Variants in SLC35D4 observed in about 807,000 individuals in gnomAD.
The protein encoded by SLC35D4 is UDP-N-acetylglucosamine transporter SLC35D4.
the SLC35D4 span, chr18:23,437,937 G>T: frequency 5.8e-5 from 83 of 1,430,906 alleles, no homozygotes; most frequent in East Asian, 2.0e-3. Context: ...AGCAGCAGCG[G>T]CAGCGGCAGC....
At chr18:23,408,590 A>G in the SLC35D4 span, among the ~76,000 whole-genome samples, 130 of 152,328 alleles carry the variant, frequency 8.5e-4, 4 homozygotes, top group Non-Finnish European at 6.0e-4. Context: ...GGATAAGAAC[A>G]AAAAATGCCT....
At chr18:23,407,264 C>A in the SLC35D4 span, among the ~76,000 whole-genome samples, 5 of 152,182 alleles carry the variant, frequency 3.3e-5, no homozygotes, top group African/African-American at 1.2e-4. Flanking sequence ...GGGAGCAGTG[C>A]ATGGCACATT....
the SLC35D4 span, chr18:23,310,095 T>C: frequency 2.0e-6 from 1 of 492,062 alleles, no homozygotes; most frequent in Non-Finnish European, 2.6e-6. Flanking sequence ...ATTTCCATTT[T>C]GTCTCAGCAG....
the SLC35D4 span, among the ~76,000 whole-genome samples, chr18:23,364,844 A>G: frequency 7.6e-6 from 1 of 132,302 alleles, no homozygotes; most frequent in East Asian, 2.6e-4. Context: ...CAGAGGTTGC[A>G]GTGAGCTGAG....
At chr18:23,345,413 T>C in the SLC35D4 span, among the ~76,000 whole-genome samples, 113,792 of 147,660 alleles carry the variant, frequency 0.77, 44,352 homozygotes, top group African/African-American at 0.91. Context: ...ACTCGGGAGG[T>C]GGAGGTTGCA....
chr18:23,356,458 A>G, the SLC35D4 span: 1 of 836,546 alleles, frequency 1.2e-6, no homozygotes, highest in South Asian at 1.6e-5. This position sits in a 1 kb window ranked among gnomAD's most constrained non-coding sequence, Gnocchi z 4.1. Flanking sequence ...TGACATAATG[A>G]CTGCTTCCTT....
At chr18:23,329,895 G>A in the SLC35D4 span, among the ~76,000 whole-genome samples, 1 of 152,154 alleles carries the variant, frequency 6.6e-6, no homozygotes, top group East Asian at 1.9e-4. Flanking sequence ...ATGAGTTAAT[G>A]TCCTTTGCAC....
the SLC35D4 span, among the ~76,000 whole-genome samples, chr18:23,262,930 G>A: frequency 9.7e-3 from 1,472 of 152,324 alleles, 17 homozygotes; most frequent in Admixed American, 0.015. Context: ...AACCAGAGAC[G>A]TGAACTGTGA....
the SLC35D4 span, among the ~76,000 whole-genome samples, chr18:23,408,177 AC>A: frequency 9.6e-6 from 1 of 104,636 alleles, no homozygotes; most frequent in African/African-American, 5.1e-5. Flanking sequence ...ACACACACAC[AC>A]ACCCCTAACC....
the SLC35D4 span, among the ~76,000 whole-genome samples, chr18:23,362,322 G>T: frequency 4.7e-3 from 721 of 152,332 alleles, 8 homozygotes; most frequent in African/African-American, 0.017. Context: ...AGGGGGACTG[G>T]GCGTGGTGGC....
the SLC35D4 span, among the ~76,000 whole-genome samples, chr18:23,419,048 T>C: frequency 3.9e-5 from 6 of 152,146 alleles, no homozygotes; most frequent in Admixed American, 1.3e-4. Flanking sequence ...GCAGTTAATC[T>C]GATTAACGGA....
At chr18:23,289,170 G>T in the SLC35D4 span, among the ~76,000 whole-genome samples, 1 of 152,148 alleles carries the variant, frequency 6.6e-6, no homozygotes, top group Non-Finnish European at 1.5e-5. Flanking sequence ...TACACTGCCA[G>T]TTTACACTGT....
chr18:23,289,902 A>G, the SLC35D4 span, among the ~76,000 whole-genome samples: 1 of 150,210 alleles, frequency 6.7e-6, no homozygotes, highest in South Asian at 2.1e-4. Context: ...TCCTTTACCT[A>G]CCCAAATCCT....
At chr18:23,355,752 T>G in the SLC35D4 span, among the ~76,000 whole-genome samples, 1 of 152,186 alleles carries the variant, frequency 6.6e-6, no homozygotes, top group African/African-American at 2.4e-5. Context: ...TTCTTCACGA[T>G]CTATTGACAT....
chr18:23,262,047 T>C, the SLC35D4 span, among the ~76,000 whole-genome samples: 1 of 152,168 alleles, frequency 6.6e-6, no homozygotes, highest in Non-Finnish European at 1.5e-5. Context: ...TGTATGCCTG[T>C]TAAAGTCTGA....
chr18:23,275,447 C>T, the SLC35D4 span, among the ~76,000 whole-genome samples: 2 of 152,114 alleles, frequency 1.3e-5, no homozygotes, highest in Admixed American at 6.6e-5. Flanking sequence ...GAGACAAACC[C>T]GAGGTGATCA....
chr18:23,358,986 G>T, the SLC35D4 span, among the ~76,000 whole-genome samples: 1 of 152,098 alleles, frequency 6.6e-6, no homozygotes, highest in African/African-American at 2.4e-5. Flanking sequence ...GTGGCTGGCT[G>T]GCCCCAGCCA....
At chr18:23,368,697 A>T in the SLC35D4 span, 68 of 1,319,294 alleles carry the variant, frequency 5.2e-5, no homozygotes, top group East Asian at 1.5e-3. Context: ...TTCTTTAAAA[A>T]TGTAAATTAT....
the SLC35D4 span, among the ~76,000 whole-genome samples, chr18:23,254,343 G>T: frequency 0.17 from 26,454 of 152,188 alleles, 2,983 homozygotes; most frequent in Admixed American, 0.33. Flanking sequence ...GGGGAAAGGC[G>T]TGAGTTTGAC....
Sources: gnomAD v4.1 joint callset for allele counts (sites outside exome capture counted in the v4.1 genomes callset) on GRCh38, gnomAD v4.1.1 for gene constraint, Gnocchi (gnomAD v3.1) non-coding constraint, MANE v1.5 for transcripts, NCBI Gene and HGNC (gene_info 2026-07-23, HGNC 2026-07-21) for gene names.